Variants in KSR2 observed in about 807,000 individuals in gnomAD.
KSR2 encodes the protein kinase suppressor of ras 2.
Under a neutral mutation model 107.8 loss-of-function variants are expected in KSR2, and 25 were observed. That is an observed-to-expected ratio of 0.23 (90% CI 0.17 to 0.32). The LOEUF (loss-of-function observed/expected upper bound fraction) is 0.32, where lower values mean the gene tolerates loss of function less well. Among genes scored for constraint, KSR2 ranks in the 10% least tolerant of loss-of-function variants. The pLI is 1.00. For missense variants in KSR2, 887 were observed against 1,268.9 expected, an observed-to-expected ratio of 0.70 and a Z score of 4.57; for synonymous variants, 480 against 507.0, an observed-to-expected ratio of 0.95 and a Z score of 0.71.
chr12:117,864,986 G>A (rs187915310), intron 1 of KSR2, among the ~76,000 whole-genome samples: 147 of 151,988 alleles, frequency 9.7e-4, no homozygotes, highest in African/African-American at 3.3e-3. Flanking sequence ...GACCACCCCC[G>A]TCTGACCATC....
chr12:117,779,370 T>C (rs1332517557), intron 3 of KSR2, among the ~76,000 whole-genome samples: 1 of 152,210 alleles, frequency 6.6e-6, no homozygotes, highest in South Asian at 2.1e-4. Flanking sequence ...GCTCCACTAC[T>C]TACTAGCTGT....
chr12:117,557,756 C>A (rs764425000), intron 8 of KSR2, among the ~76,000 whole-genome samples: 2 of 152,096 alleles, frequency 1.3e-5, no homozygotes, highest in Non-Finnish European at 1.5e-5. Flanking sequence ...TTGGGGAGCA[C>A]ATGTCCAGAA....
intron 5 of KSR2, among the ~76,000 whole-genome samples, chr12:117,666,688 G>A (rs766599448): frequency 1.3e-5 from 2 of 152,206 alleles, no homozygotes; most frequent in African/African-American, 2.4e-5. Flanking sequence ...CACAGCCTGT[G>A]GCTGAATTAA....
chr12:117,800,311 T>A (rs1374335092), intron 3 of KSR2, among the ~76,000 whole-genome samples: 1 of 151,712 alleles, frequency 6.6e-6, no homozygotes, highest in Non-Finnish European at 1.5e-5. Context: ...TCCTGGGGGG[T>A]CTCTGTGGCC....
chr12:117,536,102 G>A (rs924678881), intron 10 of KSR2, among the ~76,000 whole-genome samples: 1 of 152,188 alleles, frequency 6.6e-6, no homozygotes, highest in African/African-American at 2.4e-5. Flanking sequence ...CATGTCCTGA[G>A]ATTAACAAAT....
At chr12:117,860,801 C>A (rs1459423496) in intron 1 of KSR2, among the ~76,000 whole-genome samples, 1 of 152,202 alleles carries the variant, frequency 6.6e-6, no homozygotes, top group African/African-American at 2.4e-5. Context: ...TCAGTGCAAC[C>A]TCCACCTCCC....
At chr12:117,781,017 C>CA (rs1190682616) in intron 3 of KSR2, among the ~76,000 whole-genome samples, 1 of 152,134 alleles carries the variant, frequency 6.6e-6, no homozygotes. Context: ...CCATAGTTCC[C>CA]ACGTATTGTG....
chr12:117,936,956 G>A (rs955420031), intron 1 of KSR2, among the ~76,000 whole-genome samples: 4 of 152,202 alleles, frequency 2.6e-5, no homozygotes, highest in African/African-American at 9.6e-5. Context: ...CCAGAGCCCA[G>A]AGGGTGCCCA....
At chr12:117,825,495 T>C (rs1891710074) in intron 3 of KSR2, among the ~76,000 whole-genome samples, 3 of 152,202 alleles carry the variant, frequency 2.0e-5, no homozygotes, top group Admixed American at 1.3e-4. Context: ...CCCTCTGTCT[T>C]GAGCACTCTT....
chr12:117,965,898 T>A (rs75928986), intron 1 of KSR2, among the ~76,000 whole-genome samples: 1 of 152,180 alleles, frequency 6.6e-6, no homozygotes, highest in African/African-American at 2.4e-5. Flanking sequence ...TGGACTTGGC[T>A]GGACCCTAAG....
At chr12:117,580,396 G>A (rs1593015404) in intron 6 of KSR2, among the ~76,000 whole-genome samples, 1 of 152,184 alleles carries the variant, frequency 6.6e-6, no homozygotes, top group East Asian at 1.9e-4. Context: ...GAATGGCGGC[G>A]AAGGAGCGTG....
At chr12:117,818,390 T>C (rs1269106130) in intron 3 of KSR2, among the ~76,000 whole-genome samples, 1 of 152,110 alleles carries the variant, frequency 6.6e-6, no homozygotes, top group African/African-American at 2.4e-5. Context: ...CTAGGGCACA[T>C]GGCTTAACCT....
chr12:117,739,973 T>C (rs1431003321), intron 4 of KSR2, among the ~76,000 whole-genome samples: 1 of 151,968 alleles, frequency 6.6e-6, no homozygotes, highest in Non-Finnish European at 1.5e-5. Flanking sequence ...AGGTGGTGTT[T>C]GGTTACATGA....
At chr12:117,678,850 T>C (rs1024522064) in intron 4 of KSR2, among the ~76,000 whole-genome samples, 7 of 152,242 alleles carry the variant, frequency 4.6e-5, no homozygotes, top group Admixed American at 2.0e-4. Context: ...CTTGGACAAG[T>C]CACTTCTCCT....
intron 5 of KSR2, among the ~76,000 whole-genome samples, chr12:117,587,110 C>G (rs1402656784): frequency 6.6e-6 from 1 of 152,138 alleles, no homozygotes; most frequent in East Asian, 1.9e-4. Context: ...CTGGGAAGGA[C>G]CAAGGAGGCC....
intron 5 of KSR2, among the ~76,000 whole-genome samples, chr12:117,642,043 C>T (rs1327873216): frequency 6.6e-6 from 1 of 152,150 alleles, no homozygotes; most frequent in Non-Finnish European, 1.5e-5. Context: ...TCTGGCTGGC[C>T]CTACTCAGCC....
chr12:117,584,122 C>G (rs1879855682), intron 5 of KSR2, among the ~76,000 whole-genome samples: 1 of 152,152 alleles, frequency 6.6e-6, no homozygotes. Context: ...CCCCAAAGGG[C>G]AGAGAAAACC....
At chr12:117,562,697 G>T (rs770845115) in intron 7 of KSR2, among the ~76,000 whole-genome samples, 9 of 152,072 alleles carry the variant, frequency 5.9e-5, no homozygotes, top group Non-Finnish European at 8.8e-5. Flanking sequence ...CTCCTCCTTG[G>T]CAATTTTTCC....
chr12:117,968,304 A>AGGG lies in KSR2; in HGVS notation c.-50_-49insCCC. ...CCTCCTCCTCCTCCCAGAGAGAAAA[A>AGGG]AGAGGGGGGGGAGTAGAGGTAGTCT... On this transcript the variant is annotated 5_prime_UTR_variant, in exon 1 of 20. Transcript: ENST00000339824. 1 of 680,640 alleles carries AGGG rather than the reference A, an allele frequency of 1.5e-6. No individual in the cohort carries two copies. The highest frequency in any genetic ancestry group is 2.0e-5 in the South Asian group (1 of 48,812). 42.2% of individuals were successfully genotyped at this position (680,640 alleles called of 1,614,324 possible).
Sources: gnomAD v4.1 joint callset for allele counts (sites outside exome capture counted in the v4.1 genomes callset) on GRCh38, gnomAD v4.1.1 for gene constraint, MANE v1.5 for transcripts, NCBI Gene and HGNC (gene_info 2026-07-23, HGNC 2026-07-21) for gene names.